The following HPS6 variants were observed in gnomAD, a reference collection of about 807,000 sequenced individuals.
HPS6 encodes HPS6 biogenesis of lysosomal organelles complex 2 subunit 3.
A neutral mutation model predicts 53.6 loss-of-function variants in HPS6; 46 were observed. The ratio of observed to expected loss-of-function variants is 0.86; its 90% CI spans 0.68 to 1.10. The LOEUF (loss-of-function observed/expected upper bound fraction) is 1.10. Ranked by LOEUF, HPS6 falls within the 50% of genes least tolerant of loss-of-function variation. The pLI, the probability that HPS6 is intolerant of heterozygous loss-of-function variation, is 0.00. For missense variants in HPS6, 1,034 were observed against 991.3 expected (o/e 1.04, Z -0.58); for synonymous variants, 535 against 470.8 (o/e 1.14, Z -1.77).
In HPS6 at chr10:102,067,178, G is replaced by C; in HGVS notation, c.1704G>C (p.Leu568=). 1 of 1,613,470 alleles carries C rather than the reference G, an allele frequency of 6.2e-7. No individual in the cohort carries two copies. Among genetic ancestry groups the C allele is most frequent in the Non-Finnish European group, 8.5e-7 (1 of 1,180,022 alleles). Residue 568 remains leucine (L), a synonymous_variant, in exon 1 of 1, where the codon CTG becomes CTC. Transcript: ENST00000299238. ...PNGILPPFEL[L]CQCLCQLEPR... is the part of the protein sequence containing the mutation. ...GAATACTGCCCCCCTTTGAACTCCT[G>C]TGCCAGTGTCTGTGCCAGCTGGAGC...
At position 102,065,491 on chromosome 10, in the gene HPS6, C is replaced by T. The variant is rs753410327; in HGVS notation, c.17C>T (p.Thr6Ile). 7 of 1,561,410 alleles carry T rather than the reference C, an allele frequency of 4.5e-6. No homozygotes were observed. The Admixed American group carries it at 1.2e-4, about 28-fold the overall frequency. The change falls in exon 1 of 1, where the codon ACT (threonine) becomes ATT (isoleucine). Residue 6 changes from threonine (T) to isoleucine (I), a missense_variant. Physicochemically the swap from Thr to Ile is moderately conservative, Grantham distance 89 (BLOSUM62 -1). Coordinates refer to ENST00000299238, the MANE Select transcript of HPS6 (RefSeq NM_024747.6). ...AGCGGCGCCATGAAGCGCTCGGGGA[C>T]TCTGCGGCTGCTCTCGGACCTGAGC... is the stretch of plus-strand genomic sequence containing the variant. MKRSG[T>I]LRLLSDLSAF...
In HPS6 at chr10:102,065,648, C is replaced by T. The variant is rs773896774; in HGVS notation, c.174C>T (p.Val58=). The change falls in exon 1 of 1, where the codon GTC becomes GTT. Residue 58 remains valine, a synonymous_variant. Coordinates refer to ENST00000299238, the MANE Select transcript of HPS6 (RefSeq NM_024747.6). ...PPGAVAPQLL[V]ASRGPGAELE... ...GGGCGGTAGCCCCACAGCTGCTAGTCGCGTCGCGAGGGCCCGGCGCGGAGC... is the reference window on the plus strand; with the variant it reads ...GGGCGGTAGCCCCACAGCTGCTAGTTGCGTCGCGAGGGCCCGGCGCGGAGC... 4 of 1,541,104 alleles carry T rather than the reference C, an allele frequency of 2.6e-6. No individual in the cohort carries two copies. In the South Asian group the frequency reaches 4.7e-5, roughly 18 times the overall value.
At position 102,066,055 on chromosome 10, in the gene HPS6, T is replaced by C; in HGVS notation, c.581T>C (p.Leu194Pro). ...LLHHCPAFGL[L>P]ASCRQLFLVP... ...CACCACTGCCCTGCCTTCGGGCTGC[T>C]GGCCTCCTGCAGACAACTCTTCCTG... The change falls in exon 1 of 1, where the codon CTG becomes CCG. Residue 194 changes from leucine (L) to proline (P), a missense_variant. By Grantham distance (98) the Leu-to-Pro change is moderately conservative. Transcript: ENST00000299238. The C allele has an allele frequency of 1.9e-6, 3 of 1,610,802 alleles. No homozygotes were observed. In the South Asian group the frequency reaches 3.3e-5, roughly 18 times the overall value.
Position 102,067,724 on chromosome 10 carries a change from G to C in HPS6, c.2250G>C (p.Ser750=). 1.9e-6 allele frequency: 3 copies of C among 1,613,376 alleles called. No individual in the cohort carries two copies. The highest frequency in any genetic ancestry group is 1.1e-5 in the South Asian group (1 of 91,080). The change falls in exon 1 of 1, where the codon TCG becomes TCC. Residue 750 remains serine, a synonymous_variant. Transcript: ENST00000299238. The part of the protein sequence containing the change: ...LEQTGAQGWL[S]GPVLSPYEDI... ...AGACTGGGGCTCAAGGATGGCTGTC[G>C]GGCCCAGTTCTAAGCCCATATGAGG... is the stretch of plus-strand genomic sequence containing the variant.
Position 102,067,253 on chromosome 10 carries a change from G to C in HPS6, c.1779G>C (p.Pro593=). 6.2e-7 allele frequency: 1 copy of C among 1,612,782 alleles called. No individual in the cohort carries two copies. The highest frequency in any genetic ancestry group is 8.5e-7 in the Non-Finnish European group (1 of 1,179,786). ...AGCTGGCACAGCAGCAGGGCGGGCCGGGCTGGGGGGCAGGGGGCCCAGGAC... is the reference window on the plus strand; with the variant it reads ...AGCTGGCACAGCAGCAGGGCGGGCCCGGCTGGGGGGCAGGGGGCCCAGGAC... ...FVELAQQQGG[P]GWGAGGPGLP... is the part of the protein sequence containing the mutation. The change falls in exon 1 of 1, where the codon CCG becomes CCC. Residue 593 remains proline (P), a synonymous_variant. Transcript: ENST00000299238.
Position 102,066,885 on chromosome 10 carries a change from C to T in HPS6, c.1411C>T (p.Gln471Ter), listed in dbSNP as rs1590263662. Residue 471 changes from glutamine to a stop codon, truncating the protein, a stop_gained, in exon 1 of 1, where the codon CAG becomes TAG. Coordinates refer to ENST00000299238, the MANE Select transcript of HPS6 (RefSeq NM_024747.6). LOFTEE classifies it high-confidence loss of function. ...DYRGLEQLKA[Q>*]LVAGDDEEAG... is the part of the protein sequence containing the mutation. ...CCGAGGCTTAGAACAGCTGAAGGCC[C>T]AGCTGGTGGCTGGGGATGATGAGGA... is the stretch of plus-strand genomic sequence containing the variant. 1.2e-6 allele frequency: 2 copies of T among 1,614,200 alleles called. No individual in the cohort carries two copies. Among genetic ancestry groups the T allele is most frequent in the South Asian group, 1.1e-5 (1 of 91,082 alleles).
chr10:102,066,333 G>A lies in HPS6; in HGVS notation c.859G>A (p.Gly287Ser). ...PQGLLLLDFG[G>S]TVSLLQSHGG... ...GGGCCTGCTGTTGCTTGACTTCGGG[G>A]GCACTGTGAGCCTATTGCAGTCCCA... Residue 287 changes from glycine (G) to serine (S), a missense_variant, in exon 1 of 1, where the codon GGC becomes AGC. Gly to Ser is a moderately conservative substitution (Grantham distance 56). Transcript: ENST00000299238. 6.2e-7 allele frequency: 1 copy of A among 1,613,990 alleles called. No homozygotes were observed.
Position 102,065,519 on chromosome 10 carries a change from C to T in HPS6, c.45C>T (p.Ala15=), listed in dbSNP as rs751938463. The change falls in exon 1 of 1, where the codon GCC becomes GCT. Residue 15 remains alanine (A), a synonymous_variant. Coordinates refer to ENST00000299238, the MANE Select transcript of HPS6 (RefSeq NM_024747.6). ...GTLRLLSDLS[A]FGGAARLREL... ...TGCGGCTGCTCTCGGACCTGAGCGC[C>T]TTCGGCGGCGCGGCGCGGCTCCGGG... The T allele has an allele frequency of 3.9e-6, 6 of 1,554,822 alleles. No homozygotes were observed. Among genetic ancestry groups the T allele is most frequent in the South Asian group, 3.5e-5 (3 of 85,260 alleles).
At position 102,067,487 on chromosome 10, in the gene HPS6, C is replaced by T. The variant is rs756863806; in HGVS notation, c.2013C>T (p.Phe671=). 2.5e-6 allele frequency: 4 copies of T among 1,613,714 alleles called. No homozygotes were observed. In the East Asian group the frequency reaches 8.9e-5, roughly 36 times the overall value. The part of the protein sequence containing the change: ...PSSPLLRSEI[F]KLLLAEFAQH... ...GTCCCCTGCTTCGAAGTGAAATCTT[C>T]AAACTGCTGCTGGCCGAGTTTGCCC... is the stretch of plus-strand genomic sequence containing the variant. The change falls in exon 1 of 1, where the codon TTC becomes TTT. Residue 671 remains phenylalanine, a synonymous_variant. Coordinates refer to ENST00000299238, the MANE Select transcript of HPS6 (RefSeq NM_024747.6).
At position 102,066,187 on chromosome 10, in the gene HPS6, G is replaced by GT. The variant is rs1212937518; in HGVS notation, c.714dup (p.Lys239Ter). On this transcript the variant is annotated frameshift_variant, in exon 1 of 1. Transcript: ENST00000299238. LOFTEE classifies it high-confidence loss of function. ...GCCCCACGGCTTGGTCTCTCCTACA[G>GT]TAAGAGTCTGAATCCTGGACGAGGG... The GT allele has an allele frequency of 1.2e-6, 2 of 1,613,690 alleles. No homozygotes were observed. The highest frequency in any genetic ancestry group is 2.2e-5 in the East Asian group (1 of 44,896).
chr10:102,065,805 G>C lies in HPS6; in HGVS notation c.331G>C (p.Gly111Arg). The C allele has an allele frequency of 1.3e-6, 2 of 1,487,370 alleles. No homozygotes were observed. The highest frequency in any genetic ancestry group is 2.6e-5 in the South Asian group (2 of 77,144). 92.1% of individuals were successfully genotyped at this position (1,487,370 alleles called of 1,614,324 possible). The change falls in exon 1 of 1, where the codon GGC (glycine) becomes CGC (arginine). Residue 111 changes from glycine to arginine, a missense_variant. Physicochemically the swap from Gly to Arg is moderately radical, Grantham distance 125 (BLOSUM62 -2). Transcript: ENST00000299238. ...GGTGTGGGGCGCGGGCGTGGGGCCT[G>C]GCTGGCGGCCGCTGCAGAGCACCGA... ...AEVWGAGVGPGWRPLQSTELC... is the reference protein window; with the variant it reads ...AEVWGAGVGPRWRPLQSTELC...
Position 102,066,965 on chromosome 10 carries a change from G to A in HPS6, c.1491G>A (p.Glu497=). 1 of 1,614,208 alleles carries A rather than the reference G, an allele frequency of 6.2e-7. No homozygotes were observed. ...EQEVARLLRT[E]LIGDQLAQLN... is the part of the protein sequence containing the mutation. Reference sequence around the variant, plus strand: ...AAGTGGCACGCCTGCTGAGGACTGAGTTGATAGGAGACCAGCTAGCCCAGC... The same window carrying A: ...AAGTGGCACGCCTGCTGAGGACTGAATTGATAGGAGACCAGCTAGCCCAGC... The change falls in exon 1 of 1, where the codon GAG becomes GAA. Residue 497 remains glutamate (E), a synonymous_variant. Transcript: ENST00000299238.
Position 102,065,839 on chromosome 10 carries a change from C to T in HPS6, c.365C>T (p.Pro122Leu), listed in dbSNP as rs2067964312. Reference sequence around the variant, plus strand: ...CCGCTGCAGAGCACCGAGCTGTGTCCGGGCGGGGGAGCCCGCGTTGTGGCA... The same window carrying T: ...CCGCTGCAGAGCACCGAGCTGTGTCTGGGCGGGGGAGCCCGCGTTGTGGCA... ...WRPLQSTELC[P>L]GGGARVVAVA... Residue 122 changes from proline (P) to leucine (L), a missense_variant, in exon 1 of 1, where the codon CCG (proline) becomes CTG (leucine). Physicochemically the swap from Pro to Leu is moderately conservative, Grantham distance 98 (BLOSUM62 -3). Transcript: ENST00000299238. 1 of 1,516,254 alleles carries T rather than the reference C, an allele frequency of 6.6e-7. No individual in the cohort carries two copies. The highest frequency in any genetic ancestry group is 1.4e-5 in the African/African-American group (1 of 72,612). 93.9% of individuals were successfully genotyped at this position (1,516,254 alleles called of 1,614,324 possible). A position where few individuals can be genotyped will look rare whatever the true frequency, so the allele number is the denominator to read the frequency against.
Position 102,067,054 on chromosome 10 carries a change from T to A in HPS6, c.1580T>A (p.Leu527His), listed in dbSNP as rs1234683832. 1 of 1,614,132 alleles carries A rather than the reference T, an allele frequency of 6.2e-7. No homozygotes were observed. The highest frequency in any genetic ancestry group is 1.3e-5 in the African/African-American group (1 of 75,024). Reference protein sequence around the residue: ...AWGATLRALQLQLDGNGKLRS... With the variant: ...AWGATLRALQHQLDGNGKLRS... ...GGTGCCACCCTCAGGGCCCTGCAGCTCCAGCTAGATGGGAATGGCAAGCTG... is the reference window on the plus strand; with the variant it reads ...GGTGCCACCCTCAGGGCCCTGCAGCACCAGCTAGATGGGAATGGCAAGCTG... The change falls in exon 1 of 1, where the codon CTC (leucine) becomes CAC (histidine). Residue 527 changes from leucine (L) to histidine (H), a missense_variant. Physicochemically the swap from Leu to His is moderately conservative, Grantham distance 99. Coordinates refer to ENST00000299238, the MANE Select transcript of HPS6 (RefSeq NM_024747.6).
At position 102,066,832 on chromosome 10, in the gene HPS6, C is replaced by G; in HGVS notation, c.1358C>G (p.Thr453Ser). ...CACCTGCCCCCATCTGCACTGCTGA[C>G]CATGTTGAGGACCGAGCTTCGGGAT... ...QGHLPPSALL[T>S]MLRTELRDYR... The change falls in exon 1 of 1, where the codon ACC (threonine) becomes AGC (serine). Residue 453 changes from threonine (T) to serine (S), a missense_variant. Transcript: ENST00000299238. 6.2e-7 allele frequency: 1 copy of G among 1,614,214 alleles called. No homozygotes were observed. Among genetic ancestry groups the G allele is most frequent in the South Asian group, 1.1e-5 (1 of 91,080 alleles).
rs772897521 is a variant in HPS6 at position 102,066,972 on chromosome 10, G to A, written c.1498G>A (p.Gly500Arg). Reference protein sequence around the residue: ...VARLLRTELIGDQLAQLNTVF... With the variant: ...VARLLRTELIRDQLAQLNTVF... ...ACGCCTGCTGAGGACTGAGTTGATA[G>A]GAGACCAGCTAGCCCAGCTCAACAC... Residue 500 changes from glycine to arginine, a missense_variant, in exon 1 of 1, where the codon GGA becomes AGA. Gly to Arg is a moderately radical substitution (Grantham distance 125). Coordinates refer to ENST00000299238, the MANE Select transcript of HPS6 (RefSeq NM_024747.6). 10 of 1,614,084 alleles carry A rather than the reference G, an allele frequency of 6.2e-6. No homozygotes were observed. The highest frequency in any genetic ancestry group is 7.6e-6 in the Non-Finnish European group (9 of 1,180,054).
Position 102,067,864 on chromosome 10 carries a change from T to A in HPS6, c.*62T>A. 6.4e-7 allele frequency: 1 copy of A among 1,553,104 alleles called. No homozygotes were observed. The highest frequency in any genetic ancestry group is 8.9e-7 in the Non-Finnish European group (1 of 1,125,504). On this transcript the variant is annotated 3_prime_UTR_variant, in exon 1 of 1. Transcript: ENST00000299238. Reference sequence around the variant, plus strand: ...GCTTGCTTGGGACTGGAGGCTTGCTTGGACAGTTCCTCTGTGTCACTGACA... The same window carrying A: ...GCTTGCTTGGGACTGGAGGCTTGCTAGGACAGTTCCTCTGTGTCACTGACA...
chr10:102,067,712 A>C lies in HPS6; in HGVS notation c.2238A>C (p.Gln746His). The C allele has an allele frequency of 3.1e-6, 5 of 1,613,620 alleles. No individual in the cohort carries two copies. The South Asian group carries it at 5.5e-5, about 18-fold the overall frequency. Residue 746 changes from glutamine (Q) to histidine (H), a missense_variant, in exon 1 of 1, where the codon CAA becomes CAC. Gln to His is a conservative substitution (Grantham distance 24). Transcript: ENST00000299238. The stretch of plus-strand genomic sequence containing the variant: ...CCCTGCTGGAGCAGACTGGGGCTCA[A>C]GGATGGCTGTCGGGCCCAGTTCTAA... ...LKALLEQTGA[Q>H]GWLSGPVLSP...
In HPS6 at chr10:102,067,786, C is replaced by T. The variant is rs1280293957; in HGVS notation, c.2312C>T (p.Pro771Leu). 3 of 1,613,076 alleles carry T rather than the reference C, an allele frequency of 1.9e-6. No homozygotes were observed. The highest frequency in any genetic ancestry group is 2.5e-6 in the Non-Finnish European group (3 of 1,180,024). The change falls in exon 1 of 1, where the codon CCA becomes CTA. Residue 771 changes from proline to leucine, a missense_variant. Transcript: ENST00000299238. ...LWDPSTPPPT[P>L]PRDL The stretch of plus-strand genomic sequence containing the variant: ...GACCCCAGCACTCCACCCCCGACTC[C>T]ACCTCGGGACCTATGACTACCCTTC...
Sources: allele counts gnomAD v4.1 joint callset, GRCh38; gene constraint gnomAD v4.1.1; transcripts MANE v1.5; gene names NCBI Gene and HGNC (gene_info 2026-07-23, HGNC 2026-07-21).